Variants in TCF12 observed in about 807,000 individuals in gnomAD.
TCF12 encodes the protein DNA-binding protein HTF4.
In TCF12, 45 loss-of-function variants were observed where a neutral mutation model predicts 86.0. The ratio of observed to expected loss-of-function variants is 0.52; its 90% CI spans 0.41 to 0.67. The LOEUF is 0.67. Among genes scored for constraint, TCF12 ranks in the 30% least tolerant of loss-of-function variants. The pLI is 0.00. For synonymous variants in TCF12, 330 were observed against 299.6 expected (o/e 1.10, Z -1.05); for missense variants, 881 against 859.9 (o/e 1.02, Z -0.31).
intron 5 of TCF12, among the ~76,000 whole-genome samples, chr15:57,103,266 T>TG (rs1214169866): frequency 6.6e-6 from 1 of 152,226 alleles, no homozygotes; most frequent in Non-Finnish European, 1.5e-5. Flanking sequence ...TGGATTTTGA[T>TG]GCAGTTTATA....
intron 3 of TCF12, among the ~76,000 whole-genome samples, chr15:57,045,132 G>A (rs761015759): frequency 3.9e-5 from 6 of 152,184 alleles, no homozygotes; most frequent in Non-Finnish European, 5.9e-5. Context: ...TTGTGATGGT[G>A]ATTATAGACA....
intron 3 of TCF12, among the ~76,000 whole-genome samples, chr15:56,984,153 CTGGTTGAA>C (rs1489259220): frequency 6.6e-6 from 1 of 151,546 alleles, no homozygotes; most frequent in Non-Finnish European, 1.5e-5. Context: ...ATATATGTTT[CTGGTTGAA>C]ATTATGTGTA....
chr15:57,060,693 G>A (rs2068396590), intron 3 of TCF12, among the ~76,000 whole-genome samples: 1 of 152,184 alleles, frequency 6.6e-6, no homozygotes, highest in African/African-American at 2.4e-5. Context: ...CAGGAAAAAT[G>A]TTACTTCTCA....
At chr15:56,992,159 T>G (rs2063491538) in intron 3 of TCF12, among the ~76,000 whole-genome samples, 1 of 151,740 alleles carries the variant, frequency 6.6e-6, no homozygotes, top group Non-Finnish European at 1.5e-5. Flanking sequence ...TGGTCCCACT[T>G]ACTCAGGAGG....
chr15:56,948,639 G>A (rs963819050), intron 3 of TCF12, among the ~76,000 whole-genome samples: 7 of 152,174 alleles, frequency 4.6e-5, no homozygotes, highest in African/African-American at 1.2e-4. Context: ...TCTCAATGGC[G>A]CAATCACCTC....
chr15:56,965,560 G>T (rs1406828610), intron 3 of TCF12, among the ~76,000 whole-genome samples: 1 of 152,076 alleles, frequency 6.6e-6, no homozygotes, highest in Non-Finnish European at 1.5e-5. Context: ...AGAATCATTA[G>T]TTATTTGCAT....
At chr15:57,029,563 G>A (rs2066022878) in intron 3 of TCF12, among the ~76,000 whole-genome samples, 1 of 152,146 alleles carries the variant, frequency 6.6e-6, no homozygotes, top group Non-Finnish European at 1.5e-5. Flanking sequence ...GGGTTGTTCA[G>A]TTGTGTTGTT....
chr15:56,956,646 T>C (rs528104396), intron 3 of TCF12, among the ~76,000 whole-genome samples: 1 of 152,274 alleles, frequency 6.6e-6, no homozygotes, highest in African/African-American at 2.4e-5. Flanking sequence ...TAAGAACATA[T>C]TTTTCCTGGG....
chr15:57,228,773 C>A (rs1256585550), intron 8 of TCF12, among the ~76,000 whole-genome samples: 1 of 151,296 alleles, frequency 6.6e-6, no homozygotes, highest in Non-Finnish European at 1.5e-5. Flanking sequence ...TGAAATACAG[C>A]GAATTGAATG....
chr15:57,001,418 C>T (rs1421368751), intron 3 of TCF12: 5 of 179,172 alleles, frequency 2.8e-5, no homozygotes, highest in Admixed American at 6.3e-5. Flanking sequence ...CGTTCTTCTA[C>T]TTACACCACA....
intron 3 of TCF12, among the ~76,000 whole-genome samples, chr15:57,037,323 C>T (rs2066564623): frequency 6.6e-6 from 1 of 152,102 alleles, no homozygotes; most frequent in Non-Finnish European, 1.5e-5. Flanking sequence ...CGCCTGTAAT[C>T]CCAGCAACTT....
chr15:57,019,435 A>G (rs1455719334), intron 3 of TCF12, among the ~76,000 whole-genome samples: 6 of 152,164 alleles, frequency 3.9e-5, no homozygotes, highest in African/African-American at 1.4e-4. Context: ...GGCCAAACAG[A>G]AGGACAAGAG....
At chr15:57,267,203 A>C (rs780115157) in intron 18 of TCF12, among the ~76,000 whole-genome samples, 2 of 152,230 alleles carry the variant, frequency 1.3e-5, no homozygotes, top group Non-Finnish European at 2.9e-5. Context: ...GGTAGATAAA[A>C]CTAAAAGAAG....
chr15:57,203,378 T>G (rs1191987151), intron 8 of TCF12, among the ~76,000 whole-genome samples: 1 of 152,172 alleles, frequency 6.6e-6, no homozygotes, highest in Non-Finnish European at 1.5e-5. Flanking sequence ...TGTTAATATT[T>G]CCAAACATAG....
intron 18 of TCF12, among the ~76,000 whole-genome samples, chr15:57,267,595 C>T (rs1436439657): frequency 3.3e-5 from 5 of 152,208 alleles, no homozygotes; most frequent in Non-Finnish European, 7.3e-5. Context: ...GTCACAGCTA[C>T]TTACCACTGC....
intron 14 of TCF12, chr15:57,252,113 T>C: frequency 3.8e-6 from 1 of 264,276 alleles, no homozygotes; most frequent in Non-Finnish European, 7.2e-6. Context: ...CATGCTCTTA[T>C]TCGTAATTCC....
intron 3 of TCF12, among the ~76,000 whole-genome samples, chr15:57,025,081 C>T (rs1596180311): frequency 6.8e-6 from 1 of 148,068 alleles, no homozygotes; most frequent in South Asian, 2.1e-4. Flanking sequence ...TCCCCGCTAC[C>T]TTTTTTTTTT....
intron 8 of TCF12, among the ~76,000 whole-genome samples, chr15:57,205,433 G>T (rs2057764506): frequency 6.6e-6 from 1 of 152,212 alleles, no homozygotes; most frequent in Non-Finnish European, 1.5e-5. Flanking sequence ...AAACCCTCCA[G>T]ATCTTGAACA....
intron 3 of TCF12, among the ~76,000 whole-genome samples, chr15:56,950,226 TG>T (rs1396849649): frequency 6.6e-6 from 1 of 152,174 alleles, no homozygotes; most frequent in Non-Finnish European, 1.5e-5. Context: ...TGTGTTTTTT[TG>T]TTTGTTTGTT....
Sources: allele counts gnomAD v4.1 joint callset (sites outside exome capture counted in the v4.1 genomes callset), GRCh38; gene constraint gnomAD v4.1.1; transcripts MANE v1.5; gene names NCBI Gene and HGNC (gene_info 2026-07-23, HGNC 2026-07-21).